The following CSMD1 variants were observed in gnomAD, a reference collection of about 807,000 sequenced individuals.
CSMD1 encodes the protein CUB and sushi domain-containing protein 1.
Under a neutral mutation model 417.5 loss-of-function variants are expected in CSMD1, and 213 were observed. The ratio of observed to expected loss-of-function variants is 0.51; its 90% confidence interval spans 0.46 to 0.57. CSMD1 has a LOEUF of 0.57. CSMD1 is among the 20% of genes least tolerant of loss of function. The pLI is 0.00. For synonymous variants in CSMD1, 2,862 were observed against 1,736.8 expected (o/e 1.65, Z -16.11); for missense variants, 6,923 against 4,529.7 (o/e 1.53, Z -15.17).
rs150086784 is a variant in CSMD1, at chr8:4,233,108, A to C, written c.415+186845T>G. On this transcript the variant is annotated intron_variant, in intron 3 of 69. Coordinates refer to ENST00000635120, the MANE Select transcript of CSMD1 (RefSeq NM_033225.6). ...ACTGGCACTGAACTGCACAGTTGGAAAATGCTATCACTTATCCACAACGTT... is the reference window on the plus strand; with the variant it reads ...ACTGGCACTGAACTGCACAGTTGGACAATGCTATCACTTATCCACAACGTT... 9.2e-5 allele frequency among the ~76,000 whole-genome samples: 14 copies of C among 152,346 alleles called. No individual in the cohort carries two copies. The East Asian group carries it at 1.7e-3, about 19-fold the overall frequency.
intron 45 of CSMD1, 53 bp downstream of exon 45, chr8:3,107,665 G>T (rs1480420978): frequency 3.0e-5 from 29 of 958,926 alleles, no homozygotes; most frequent in Non-Finnish European, 4.3e-5. Context: ...TGAGAAGTGG[G>T]TGTAAAAAAA....
intron 4 of CSMD1, among the ~76,000 whole-genome samples, chr8:4,015,408 G>C (rs1034642718): frequency 6.6e-6 from 1 of 152,036 alleles, no homozygotes; most frequent in Admixed American, 6.6e-5. Flanking sequence ...AAAAAACCTC[G>C]ACTGACAGTT....
At chr8:3,645,961 T>G (rs1298695815) in intron 7 of CSMD1, among the ~76,000 whole-genome samples, 1 of 152,064 alleles carries the variant, frequency 6.6e-6, no homozygotes, top group Non-Finnish European at 1.5e-5. Flanking sequence ...ATAAAATAAT[T>G]AAATTTAGAA....
chr8:4,474,841 AT>A (rs1800714753), intron 2 of CSMD1, among the ~76,000 whole-genome samples: 1 of 152,106 alleles, frequency 6.6e-6, no homozygotes, highest in South Asian at 2.1e-4. Context: ...TCAATAGTAA[AT>A]ATATTTTCTC....
At chr8:4,860,423 A>AG (rs1419492510) in intron 1 of CSMD1, among the ~76,000 whole-genome samples, 1 of 151,430 alleles carries the variant, frequency 6.6e-6, no homozygotes, top group African/African-American at 2.4e-5. Flanking sequence ...AAAAAAAAAA[A>AG]GTGTGTGCCA....
At chr8:4,056,266 A>G (rs571907303) in intron 3 of CSMD1, among the ~76,000 whole-genome samples, 11 of 151,710 alleles carry the variant, frequency 7.3e-5, no homozygotes, top group African/African-American at 2.7e-4. Flanking sequence ...ATTTTTTAGT[A>G]GAGATGGAGT....
At chr8:4,885,368 T>G (rs1803670933) in intron 1 of CSMD1, among the ~76,000 whole-genome samples, 3 of 152,062 alleles carry the variant, frequency 2.0e-5, no homozygotes, top group Admixed American at 2.0e-4. Context: ...TCTAGCACAA[T>G]GTTGAACAGA....
intron 3 of CSMD1, among the ~76,000 whole-genome samples, chr8:4,282,516 C>G (rs989675513): frequency 1.3e-5 from 2 of 152,142 alleles, no homozygotes; most frequent in African/African-American, 4.8e-5. Flanking sequence ...CTAAGCTTTG[C>G]GTTTGTAAAG....
At chr8:3,331,938 G>A (rs1217151183) in intron 23 of CSMD1, among the ~76,000 whole-genome samples, 1 of 152,128 alleles carries the variant, frequency 6.6e-6, no homozygotes, top group Admixed American at 6.5e-5. Flanking sequence ...ACTGATAATA[G>A]ATAGCTAGAT....
intron 11 of CSMD1, among the ~76,000 whole-genome samples, chr8:3,480,378 T>G (rs1447509704): frequency 6.6e-6 from 1 of 151,136 alleles, no homozygotes; most frequent in Non-Finnish European, 1.5e-5. Context: ...AAATAAAAAA[T>G]TAAAAGGAAA....
In CSMD1 at chr8:4,777,259, G is replaced by A. The variant is rs115292182; in HGVS notation, c.86-139701C>T. Among the ~76,000 whole-genome samples, 859 of 152,310 alleles carry A rather than the reference G, an allele frequency of 5.6e-3. 5 individuals carry two copies. Among genetic ancestry groups the A allele is most frequent in the African/African-American group, 0.02 (825 of 41,570 alleles). ...GCATCCTCTCTGAAGCAGGAGGCAA[G>A]GCAGTGCGAGAAACAATTAAGTCTA... is the stretch of plus-strand genomic sequence containing the variant. On this transcript the variant is annotated intron_variant, in intron 1 of 69. Coordinates refer to ENST00000635120, the MANE Select transcript of CSMD1 (RefSeq NM_033225.6).
chr8:3,743,967 A>G (rs371492906), intron 6 of CSMD1, among the ~76,000 whole-genome samples: 51 of 152,282 alleles, frequency 3.3e-4, no homozygotes, highest in Middle Eastern at 3.4e-3. Flanking sequence ...AGAGGCATGA[A>G]TGATTATCTT....
At chr8:4,052,076 A>C (rs1320341549) in intron 3 of CSMD1, among the ~76,000 whole-genome samples, 2 of 152,020 alleles carry the variant, frequency 1.3e-5, no homozygotes, top group East Asian at 3.9e-4. Context: ...GCCGGGACTA[A>C]ATACCCAGCT....
At chr8:3,649,575 G>C (rs1023744315) in intron 7 of CSMD1, among the ~76,000 whole-genome samples, 1 of 152,022 alleles carries the variant, frequency 6.6e-6, no homozygotes, top group African/African-American at 2.4e-5. Context: ...GTGCAAAGTG[G>C]GGAGAGCCTC....
At chr8:3,328,932 C>T (rs17080008) in intron 23 of CSMD1, among the ~76,000 whole-genome samples, 7,600 of 152,176 alleles carry the variant, frequency 0.05, 282 homozygotes, top group East Asian at 0.18. Flanking sequence ...TTTATTATAA[C>T]GTGCTTGGGC....
intron 1 of CSMD1, among the ~76,000 whole-genome samples, chr8:4,759,526 C>A (rs900986514): frequency 1.3e-5 from 2 of 152,160 alleles, no homozygotes; most frequent in Non-Finnish European, 2.9e-5. Flanking sequence ...TTAAGCCCAG[C>A]ATGCACTAGG....
intron 3 of CSMD1, among the ~76,000 whole-genome samples, chr8:4,144,058 G>T (rs991149568): frequency 6.6e-6 from 1 of 151,216 alleles, no homozygotes; most frequent in African/African-American, 2.5e-5. Flanking sequence ...GTTAGGAAAT[G>T]GGGAGACGGA....
chr8:4,453,907 C>T (rs1420871757), intron 2 of CSMD1, among the ~76,000 whole-genome samples: 1 of 147,860 alleles, frequency 6.8e-6, no homozygotes, highest in Non-Finnish European at 1.5e-5. Flanking sequence ...CTGCCAGCTC[C>T]GCCTCCCAGG....
intron 5 of CSMD1, among the ~76,000 whole-genome samples, chr8:3,945,569 A>G (rs1585011888): frequency 6.6e-6 from 1 of 152,150 alleles, no homozygotes; most frequent in African/African-American, 2.4e-5. Flanking sequence ...GTTTAAAAAA[A>G]TCTCTTAAAA....
Sources: gnomAD v4.1 joint callset for allele counts (sites outside exome capture counted in the v4.1 genomes callset) on GRCh38, gnomAD v4.1.1 for gene constraint, MANE v1.5 for transcripts, NCBI Gene and HGNC (gene_info 2026-07-23, HGNC 2026-07-21) for gene names.